The following RALGPS2 variants were observed in gnomAD, a reference collection of about 807,000 sequenced individuals.
RALGPS2 encodes ras-specific guanine nucleotide-releasing factor RalGPS2.
A neutral mutation model predicts 86.8 loss-of-function variants in RALGPS2; 43 were observed. The observed-to-expected ratio is 0.50, with a 90% CI of 0.39 to 0.64. The LOEUF (loss-of-function observed/expected upper bound fraction) is 0.64, where lower values mean the gene tolerates loss of function less well. RALGPS2 is among the 30% of genes least tolerant of loss of function. The pLI, the probability that RALGPS2 is intolerant of heterozygous loss-of-function variation, is 0.00. For missense variants in RALGPS2, 536 were observed against 694.6 expected, an observed-to-expected ratio of 0.77 and a Z score of 2.57; for synonymous variants, 243 against 231.3, an observed-to-expected ratio of 1.05 and a Z score of -0.46.
In RALGPS2 at chr1:178,747,021, T is replaced by A. The variant is rs74129704; in HGVS notation, c.-84+21602T>A. On this transcript the variant is annotated intron_variant, in intron 1 of 19. Coordinates refer to ENST00000367635, the MANE Select transcript of RALGPS2 (RefSeq NM_152663.5). ...TAGAATCTCCCTTTACACATTTTGC[T>A]CCTTCTGTTATAGCCATGTATGAGA... 789 of 909,476 alleles carry A rather than the reference T, an allele frequency of 8.7e-4. 4 individuals are homozygous for A. In the African/African-American group the frequency reaches 0.012, roughly 13 times the overall value. The allele number at this position is 909,476 out of a possible 1,614,324, so 56.3% of individuals were successfully genotyped here.
intron 17 of RALGPS2, among the ~76,000 whole-genome samples, chr1:178,898,802 G>C (rs374366041): frequency 1.3e-5 from 2 of 152,006 alleles, no homozygotes; most frequent in East Asian, 3.9e-4. Flanking sequence ...TTGAGTGAAG[G>C]ATCATGGAGA....
At chr1:178,734,042 A>G (rs1233940125) in intron 1 of RALGPS2, among the ~76,000 whole-genome samples, 1 of 152,254 alleles carries the variant, frequency 6.6e-6, no homozygotes, top group Admixed American at 6.5e-5. Flanking sequence ...AACTCAATTT[A>G]AAAACAGGCA....
chr1:178,807,981 G>T (rs1654817526), intron 4 of RALGPS2, 64 bp from the exon 5 acceptor site: 1 of 974,240 alleles, frequency 1.0e-6, no homozygotes, highest in Non-Finnish European at 1.7e-6. Context: ...TGTTTTGAAA[G>T]CCTTAATCTG....
chr1:178,916,371 A>G lies in RALGPS2; in HGVS notation c.*12A>G, dbSNP rs116657796. ...TGACTTTTGAGTAGAAGCCTGAGAAAAAAAGAGAGGTGAACTGTTGCTTCT... is the reference window on the plus strand; with the variant it reads ...TGACTTTTGAGTAGAAGCCTGAGAAGAAAAGAGAGGTGAACTGTTGCTTCT... On this transcript the variant is annotated 3_prime_UTR_variant, in exon 20 of 20. Coordinates refer to ENST00000367635, the MANE Select transcript of RALGPS2 (RefSeq NM_152663.5). 1.2e-3 allele frequency: 1,843 copies of G among 1,598,042 alleles called. 14 individuals are homozygous for G. The African/African-American group carries it at 0.021, about 18-fold the overall frequency.
intron 14 of RALGPS2, 58 bp from the exon 15 acceptor site, chr1:178,892,172 A>T: frequency 1.4e-6 from 2 of 1,443,210 alleles, no homozygotes; most frequent in Non-Finnish European, 1.9e-6. Flanking sequence ...AGGTATTGAT[A>T]ATGACTGTGT....
At chr1:178,759,278 C>A (rs965157431) in intron 1 of RALGPS2, among the ~76,000 whole-genome samples, 14 of 152,106 alleles carry the variant, frequency 9.2e-5, no homozygotes, top group African/African-American at 3.1e-4. Context: ...TAGTTCCATT[C>A]TTCTATACAT....
At chr1:178,747,781 A>G in intron 1 of RALGPS2, 1 of 801,950 alleles carries the variant, frequency 1.2e-6, no homozygotes, top group Non-Finnish European at 2.1e-6. Context: ...TGGTGCGAGC[A>G]GAGCCTGTGC....
chr1:178,888,956 C>T (rs1276826452), intron 13 of RALGPS2, among the ~76,000 whole-genome samples: 1 of 152,032 alleles, frequency 6.6e-6, no homozygotes, highest in African/African-American at 2.4e-5. Flanking sequence ...TTTTTGAGAG[C>T]CAGAATTACC....
chr1:178,762,149 C>G (rs1280555731), intron 1 of RALGPS2, among the ~76,000 whole-genome samples: 4 of 152,152 alleles, frequency 2.6e-5, no homozygotes, highest in Admixed American at 1.3e-4. Flanking sequence ...GGATAATGGC[C>G]TCCAGCTCCA....
chr1:178,849,619 C>T (rs1422151360), intron 8 of RALGPS2: 3 of 152,138 alleles, frequency 2.0e-5, no homozygotes, highest in Admixed American at 6.5e-5. Context: ...AATCTTATAA[C>T]AGATTCTTTG....
chr1:178,911,494 G>A (rs190338880), intron 19 of RALGPS2, among the ~76,000 whole-genome samples: 128 of 152,212 alleles, frequency 8.4e-4, no homozygotes, highest in Non-Finnish European at 1.4e-3. Context: ...GAAGAAAGTT[G>A]TTTAAGTTCC....
intron 4 of RALGPS2, among the ~76,000 whole-genome samples, chr1:178,790,092 A>G (rs1000274345): frequency 6.6e-6 from 1 of 151,746 alleles, no homozygotes; most frequent in Non-Finnish European, 1.5e-5. Context: ...GGGACCATAC[A>G]CATGTGCCAC....
chr1:178,781,824 AT>A (rs1653408249), intron 2 of RALGPS2, among the ~76,000 whole-genome samples: 1 of 152,310 alleles, frequency 6.6e-6, no homozygotes, highest in African/African-American at 2.4e-5. Context: ...TATGAAAAAA[AT>A]GTTTTATTAG....
intron 15 of RALGPS2, among the ~76,000 whole-genome samples, chr1:178,893,511 T>C (rs1003488158): frequency 1.3e-5 from 2 of 151,616 alleles, no homozygotes; most frequent in African/African-American, 4.8e-5. Flanking sequence ...TTAAATACTT[T>C]TAACAAATAG....
In RALGPS2 at chr1:178,769,621, G is replaced by T. The variant is rs80221654; in HGVS notation, c.-83-7061G>T. ...AGTGGAGAGGGCCCTGCTGCACCAC[G>T]ATCTTAGGAGAGCTTGCTGGGGTAC... On this transcript the variant is annotated intron_variant, in intron 1 of 19. Transcript: ENST00000367635. Among the ~76,000 whole-genome samples the T allele has an allele frequency of 2.0e-5, 3 of 152,218 alleles. No homozygotes were observed. In the East Asian group the frequency reaches 5.8e-4, roughly 29 times the overall value.
rs757695861 is a variant in RALGPS2 at position 178,853,588 on chromosome 1, A to T, written c.607+20038A>T. On this transcript the variant is annotated intron_variant, in intron 8 of 19. Transcript: ENST00000367635. ...TACTTCCCTTAGGTCTGCATCACTG[A>T]TTTACCTTATAATTTTCCCAATTTC... The T allele has an allele frequency of 8.2e-6, 13 of 1,589,464 alleles. No individual in the cohort carries two copies. In the African/African-American group the frequency reaches 1.8e-4, roughly 22 times the overall value.
intron 2 of RALGPS2, 74 bp downstream of exon 2, chr1:178,776,895 A>C: frequency 8.1e-7 from 1 of 1,229,640 alleles, no homozygotes; most frequent in Non-Finnish European, 1.2e-6. Flanking sequence ...ATGTTTGTTC[A>C]CATACTTAAA....
chr1:178,741,885 C>A (rs1651048993), intron 1 of RALGPS2, among the ~76,000 whole-genome samples: 1 of 152,060 alleles, frequency 6.6e-6, no homozygotes, highest in African/African-American at 2.4e-5. Flanking sequence ...CGCCTGTAAT[C>A]CCAGCACTTT....
rs144531764 is a variant in RALGPS2 at position 178,797,343 on chromosome 1, A to C, written c.214-10702A>C. Among the ~76,000 whole-genome samples the C allele has an allele frequency of 6.0e-3, 919 of 152,200 alleles. 10 individuals are homozygous for C. Among genetic ancestry groups the C allele is most frequent in the African/African-American group, 0.021 (874 of 41,530 alleles). ...TTTTTTAATCACAGAGAAATTTAGC[A>C]GCTCTTGAGAGGTAGAGGTGGGGCA... is the stretch of plus-strand genomic sequence containing the variant. On this transcript the variant is annotated intron_variant, in intron 4 of 19. Transcript: ENST00000367635.
Sources: allele counts gnomAD v4.1 joint callset (sites outside exome capture counted in the v4.1 genomes callset), GRCh38; gene constraint gnomAD v4.1.1; transcripts MANE v1.5; gene names NCBI Gene and HGNC (gene_info 2026-07-23, HGNC 2026-07-21).